Variants in NBAS observed in about 807,000 individuals in gnomAD.
The protein encoded by NBAS is NBAS subunit of NRZ tethering complex, also known as NAG/BC035112 fusion.
Under a neutral mutation model 302.5 loss-of-function variants are expected in NBAS, and 219 were observed. That is an observed-to-expected ratio of 0.72 (90% CI 0.65 to 0.81). NBAS has a LOEUF of 0.81. Among genes scored for constraint, NBAS ranks in the 30% least tolerant of loss-of-function variants. The probability of loss-of-function intolerance (pLI) is 0.00; values close to 1 mark genes in which losing one functional copy is unlikely to be tolerated. For synonymous variants in NBAS, 1,118 were observed against 1,021.6 expected (o/e 1.09, Z -1.80); for missense variants, 2,932 against 2,841.6 (o/e 1.03, Z -0.72).
At chr2:15,106,479 C>CTCTCTT in the NBAS span, among the ~76,000 whole-genome samples, 1 of 149,320 alleles carries the variant, frequency 6.7e-6, no homozygotes, top group African/African-American at 2.4e-5. Context: ...CTCTCTCTCT[C>CTCTCTT]ACTCTCCAGT....
chr2:15,203,328 T>A (rs1665970945), intron 48 of NBAS, among the ~76,000 whole-genome samples: 2 of 152,340 alleles, frequency 1.3e-5, no homozygotes, highest in Admixed American at 1.3e-4. Flanking sequence ...AGATCACCTA[T>A]GTTACAGGGC....
chr2:14,949,261 A>G, the NBAS span, among the ~76,000 whole-genome samples: 1 of 152,192 alleles, frequency 6.6e-6, no homozygotes, highest in South Asian at 2.1e-4. Context: ...CAAGCTAAAA[A>G]GCTTCTGCAC....
chr2:15,003,057 C>A, the NBAS span, among the ~76,000 whole-genome samples: 1 of 152,244 alleles, frequency 6.6e-6, no homozygotes, highest in Non-Finnish European at 1.5e-5. Flanking sequence ...GCGCCGAGAG[C>A]GAGCGAGGGC....
intron 21 of NBAS, among the ~76,000 whole-genome samples, chr2:15,456,911 A>T (rs1311989553): frequency 1.3e-5 from 2 of 152,174 alleles, no homozygotes; most frequent in African/African-American, 4.8e-5. Context: ...ATGAAGAGAA[A>T]CAGAGTATAG....
At chr2:14,841,500 CA>C in the NBAS span, among the ~76,000 whole-genome samples, 43,586 of 121,760 alleles carry the variant, frequency 0.36, 5,939 homozygotes, top group East Asian at 0.47. Context: ...CAACTGGAAA[CA>C]AAAAAAAAAA....
the NBAS span, among the ~76,000 whole-genome samples, chr2:14,834,445 G>A: frequency 6.6e-6 from 1 of 152,100 alleles, no homozygotes; most frequent in Non-Finnish European, 1.5e-5. Context: ...CTCCTCAAAA[G>A]AGGTGACATT....
At chr2:14,942,707 A>G in the NBAS span, among the ~76,000 whole-genome samples, 71 of 152,302 alleles carry the variant, frequency 4.7e-4, 1 homozygote, top group South Asian at 0.011. Context: ...TAAACCCCCT[A>G]TTGACACAAG....
chr2:14,899,597 C>T, the NBAS span, among the ~76,000 whole-genome samples: 3 of 152,136 alleles, frequency 2.0e-5, no homozygotes, highest in Non-Finnish European at 2.9e-5. Flanking sequence ...AAAAACATTG[C>T]TGATTTTACA....
At chr2:15,288,632 G>C (rs978514896) in intron 41 of NBAS, among the ~76,000 whole-genome samples, 1 of 152,140 alleles carries the variant, frequency 6.6e-6, no homozygotes, top group Non-Finnish European at 1.5e-5. Flanking sequence ...AAGCAGTCCC[G>C]AACACCCACA....
the NBAS span, among the ~76,000 whole-genome samples, chr2:15,083,826 G>A: frequency 6.6e-6 from 1 of 152,172 alleles, no homozygotes; most frequent in Non-Finnish European, 1.5e-5. Flanking sequence ...GAGCTTTGGG[G>A]TGAGAAGACC....
intron 38 of NBAS, among the ~76,000 whole-genome samples, chr2:15,309,574 C>A (rs980174660): frequency 2.6e-5 from 4 of 152,104 alleles, no homozygotes; most frequent in African/African-American, 9.7e-5. Flanking sequence ...GACCATGCTG[C>A]AAAATTGTGT....
chr2:15,021,801 A>G, the NBAS span, among the ~76,000 whole-genome samples: 2 of 152,192 alleles, frequency 1.3e-5, no homozygotes, highest in Non-Finnish European at 2.9e-5. Context: ...TTGTCTTCCA[A>G]CAGAGATTAT....
intron 38 of NBAS, among the ~76,000 whole-genome samples, chr2:15,313,552 T>C (rs941099659): frequency 6.6e-6 from 1 of 152,242 alleles, no homozygotes; most frequent in African/African-American, 2.4e-5. Flanking sequence ...AAACAATTAA[T>C]ATATGCCATT....
the NBAS span, among the ~76,000 whole-genome samples, chr2:15,024,590 T>C: frequency 0.77 from 117,099 of 151,998 alleles, 45,373 homozygotes; most frequent in East Asian, 1. Flanking sequence ...ATCAACAGTG[T>C]ATAAGTGTTC....
intron 36 of NBAS, among the ~76,000 whole-genome samples, chr2:15,329,835 A>G (rs919146755): frequency 6.6e-6 from 1 of 152,090 alleles, no homozygotes; most frequent in Non-Finnish European, 1.5e-5. Flanking sequence ...CTTAATCAGA[A>G]CTTCCCTCCT....
the NBAS span, among the ~76,000 whole-genome samples, chr2:14,983,964 GCCCACGTA>G: frequency 6.6e-6 from 1 of 152,112 alleles, no homozygotes; most frequent in Non-Finnish European, 1.5e-5. Context: ...ATAAATATTT[GCCCACGTA>G]TGTGGGGCTT....
chr2:15,036,668 A>G, the NBAS span, among the ~76,000 whole-genome samples: 4 of 152,172 alleles, frequency 2.6e-5, no homozygotes, highest in African/African-American at 9.7e-5. Flanking sequence ...CAGCAGAGTG[A>G]CTTTAGTACT....
intron 44 of NBAS, among the ~76,000 whole-genome samples, chr2:15,260,361 A>C (rs1668792255): frequency 6.6e-6 from 1 of 152,224 alleles, no homozygotes; most frequent in Non-Finnish European, 1.5e-5. Context: ...TATCAGGCTT[A>C]CTGACTCAAT....
At chr2:15,159,568 A>G in the NBAS span, among the ~76,000 whole-genome samples, 1 of 151,820 alleles carries the variant, frequency 6.6e-6, no homozygotes, top group African/African-American at 2.4e-5. Flanking sequence ...TACCTAGAGT[A>G]GTCCAATTCA....
Sources: allele counts gnomAD v4.1 joint callset (sites outside exome capture counted in the v4.1 genomes callset), GRCh38; gene constraint gnomAD v4.1.1; transcripts MANE v1.5; gene names NCBI Gene and HGNC (gene_info 2026-07-23, HGNC 2026-07-21).